Variants in NKAIN3 observed in about 807,000 individuals in gnomAD.
The protein encoded by NKAIN3 is sodium/potassium-transporting ATPase subunit beta-1-interacting protein 3.
NKAIN3 carries 25 observed loss-of-function variants against 30.2 expected under a neutral mutation model. The observed-to-expected ratio is 0.83, with a 90% confidence interval of 0.60 to 1.16. The LOEUF (loss-of-function observed/expected upper bound fraction) is 1.16, where lower values mean the gene tolerates loss of function less well. NKAIN3 is among the 50% of genes most tolerant of loss of function. The pLI is 0.00. For missense variants in NKAIN3, 225 were observed against 254.1 expected (o/e 0.89, Z 0.78); for synonymous variants, 91 against 89.6 (o/e 1.02, Z -0.09).
chr8:62,320,083 G>A (rs1282233019), intron 1 of NKAIN3, among the ~76,000 whole-genome samples: 8 of 152,174 alleles, frequency 5.3e-5, no homozygotes, highest in Non-Finnish European at 1.0e-4. Flanking sequence ...TTACCATTAT[G>A]TAATGGCCTT....
intron 4 of NKAIN3, among the ~76,000 whole-genome samples, chr8:62,797,838 G>A (rs979609701): frequency 5.3e-5 from 8 of 152,088 alleles, no homozygotes; most frequent in Admixed American, 2.0e-4. Context: ...CTAATTCCAT[G>A]TGACTATTGT....
At chr8:62,249,271 C>T in intron 1 of NKAIN3, 144 bp downstream of exon 1, 1 of 679,564 alleles carries the variant, frequency 1.5e-6, no homozygotes, top group South Asian at 2.0e-5. Context: ...TCCCCACCGC[C>T]TGGCTGGGCT....
At chr8:62,277,295 T>A (rs1371003725) in intron 1 of NKAIN3, among the ~76,000 whole-genome samples, 1 of 152,222 alleles carries the variant, frequency 6.6e-6, no homozygotes, top group Non-Finnish European at 1.5e-5. Flanking sequence ...TACTGTTTTG[T>A]AATTGAACAG....
intron 1 of NKAIN3, among the ~76,000 whole-genome samples, chr8:62,495,121 C>T (rs565267758): frequency 5.3e-5 from 8 of 152,170 alleles, no homozygotes; most frequent in South Asian, 2.1e-4. Context: ...TCATATCTAG[C>T]TGCAGCAGCT....
At chr8:62,869,918 C>T (rs796571547) in intron 4 of NKAIN3, among the ~76,000 whole-genome samples, 10 of 152,160 alleles carry the variant, frequency 6.6e-5, no homozygotes, top group East Asian at 1.9e-4. Flanking sequence ...TACAGGCACT[C>T]GCCACCACGC....
At chr8:62,838,498 T>C (rs1223553844) in intron 4 of NKAIN3, among the ~76,000 whole-genome samples, 2 of 152,016 alleles carry the variant, frequency 1.3e-5, no homozygotes, top group East Asian at 3.9e-4. Context: ...AGAATAACTC[T>C]CAAATTATCT....
At chr8:62,250,083 C>T (rs1812052538) in intron 1 of NKAIN3, among the ~76,000 whole-genome samples, 1 of 151,954 alleles carries the variant, frequency 6.6e-6, no homozygotes, top group African/African-American at 2.4e-5. Context: ...TATTTTTTTT[C>T]GAGTCACAAA....
chr8:62,981,065 A>G lies in NKAIN3; in HGVS notation c.*15658A>G, dbSNP rs2130924384. 6.6e-6 allele frequency: 1 copy of G among 152,344 alleles called. No homozygotes were observed. Among genetic ancestry groups the G allele is most frequent in the Non-Finnish European group, 1.5e-5 (1 of 68,036 alleles). The allele number at this position is 152,344 out of a possible 1,614,324, so 9.4% of individuals were successfully genotyped here. On this transcript the variant is annotated 3_prime_UTR_variant, in exon 7 of 7. Coordinates refer to ENST00000623646, the MANE Select transcript of NKAIN3 (RefSeq NM_001304533.3). ...TTGGTCCTGTTAATCTTTGTCAAAAAGGAAGTTTGGGCGGCAGTTTCAGGG... is the reference window on the plus strand; with the variant it reads ...TTGGTCCTGTTAATCTTTGTCAAAAGGGAAGTTTGGGCGGCAGTTTCAGGG...
At chr8:62,667,340 ATATTCTTTATATATATATC>A (rs1813144985) in intron 3 of NKAIN3, among the ~76,000 whole-genome samples, 3 of 110,482 alleles carry the variant, frequency 2.7e-5, no homozygotes, top group Admixed American at 8.8e-5. Flanking sequence ...CTTTATATAT[ATATTCTTTATATATATATC>A]TGTATATATA....
intron 1 of NKAIN3, among the ~76,000 whole-genome samples, chr8:62,523,116 G>A (rs1263944157): frequency 2.0e-5 from 3 of 151,886 alleles, no homozygotes; most frequent in African/African-American, 7.3e-5. Flanking sequence ...CTTTTATACT[G>A]TATTTTTACT....
At chr8:62,696,005 A>G (rs2130455198) in intron 3 of NKAIN3, among the ~76,000 whole-genome samples, 1 of 152,254 alleles carries the variant, frequency 6.6e-6, no homozygotes, top group Non-Finnish European at 1.5e-5. Context: ...TAGTGCACTT[A>G]TTTCTGTATA....
At chr8:62,457,578 T>A (rs1230720509) in intron 1 of NKAIN3, among the ~76,000 whole-genome samples, 1 of 152,234 alleles carries the variant, frequency 6.6e-6, no homozygotes, top group African/African-American at 2.4e-5. Context: ...ATTTTTTGTC[T>A]TTTAAAGATG....
At chr8:62,389,245 G>T (rs1252882978) in intron 1 of NKAIN3, among the ~76,000 whole-genome samples, 1 of 152,068 alleles carries the variant, frequency 6.6e-6, no homozygotes, top group Non-Finnish European at 1.5e-5. Flanking sequence ...GTAAAATTTG[G>T]TGTTTCAATA....
At chr8:62,936,841 G>A (rs1466690300) in intron 5 of NKAIN3, among the ~76,000 whole-genome samples, 1 of 152,046 alleles carries the variant, frequency 6.6e-6, no homozygotes, top group Non-Finnish European at 1.5e-5. Flanking sequence ...CTTGCAGATT[G>A]TAATTCCATT....
intron 1 of NKAIN3, among the ~76,000 whole-genome samples, chr8:62,307,607 T>A (rs1186862283): frequency 6.6e-6 from 1 of 150,678 alleles, no homozygotes; most frequent in African/African-American, 2.5e-5. Context: ...TCCACATGTA[T>A]GTTTTGTGCC....
intron 4 of NKAIN3, among the ~76,000 whole-genome samples, chr8:62,817,317 G>A (rs1279419643): frequency 6.6e-6 from 1 of 152,116 alleles, no homozygotes. Flanking sequence ...TCCAGTTGTT[G>A]ATTTTGTTGA....
intron 4 of NKAIN3, among the ~76,000 whole-genome samples, chr8:62,802,743 G>A (rs937326635): frequency 4.6e-5 from 7 of 152,070 alleles, no homozygotes; most frequent in Admixed American, 3.3e-4. Context: ...CATAATGACA[G>A]GATCAAATTC....
chr8:62,548,471 C>T (rs1452050702), intron 1 of NKAIN3, among the ~76,000 whole-genome samples: 2 of 152,082 alleles, frequency 1.3e-5, no homozygotes, highest in African/African-American at 2.4e-5. Context: ...CCCCCTGTGT[C>T]GGGGGTCATT....
intron 4 of NKAIN3, among the ~76,000 whole-genome samples, chr8:62,884,190 T>C (rs1459725777): frequency 6.6e-6 from 1 of 152,214 alleles, no homozygotes; most frequent in Non-Finnish European, 1.5e-5. Flanking sequence ...TGTATTAGGA[T>C]AATGCTGGCC....
Sources: gnomAD v4.1 joint callset for allele counts (sites outside exome capture counted in the v4.1 genomes callset) on GRCh38, gnomAD v4.1.1 for gene constraint, MANE v1.5 for transcripts, NCBI Gene and HGNC (gene_info 2026-07-23, HGNC 2026-07-21) for gene names.